The following NMD3 variants were observed in gnomAD, a reference collection of about 807,000 sequenced individuals.
NMD3 encodes 60S ribosomal export protein NMD3.
In NMD3, 47 loss-of-function variants were observed where a neutral mutation model predicts 73.1. That is an observed-to-expected ratio of 0.64 (90% confidence interval 0.51 to 0.82). The LOEUF (loss-of-function observed/expected upper bound fraction) is 0.82. Among genes scored for constraint, NMD3 ranks in the 40% least tolerant of loss-of-function variants. The pLI, the probability that NMD3 is intolerant of heterozygous loss-of-function variation, is 0.00. For missense variants in NMD3, 554 were observed against 612.5 expected (o/e 0.90, Z 1.01); for synonymous variants, 210 against 194.5 (o/e 1.08, Z -0.66).
Position 161,234,945 on chromosome 3 carries a change from T to A in NMD3, c.486+90T>A, listed in dbSNP as rs890354056. On this transcript the variant is annotated intron_variant, in intron 6 of 15. Transcript: ENST00000351193. ...TCCTTCTTTCTAAATCCAGGGATAG[T>A]CTGGGTCCCTGAAGCATTCACCTTT... 3 of 1,329,966 alleles carry A rather than the reference T, an allele frequency of 2.3e-6. No homozygotes were observed. The African/African-American group carries it at 4.4e-5, about 19-fold the overall frequency. The allele number at this position is 1,329,966 out of a possible 1,614,324, so 82.4% of individuals were successfully genotyped here.
At chr3:161,226,850 C>CT (rs925474366) in intron 3 of NMD3, among the ~76,000 whole-genome samples, 9 of 151,910 alleles carry the variant, frequency 5.9e-5, no homozygotes, top group Non-Finnish European at 7.4e-5. Context: ...ACTAATGTAC[C>CT]TTTTTTTTGT....
At chr3:161,235,813 A>G (rs1736733740) in intron 7 of NMD3, among the ~76,000 whole-genome samples, 1 of 152,092 alleles carries the variant, frequency 6.6e-6, no homozygotes. Flanking sequence ...TTCTTGGTAT[A>G]AAATTGAACA....
In NMD3 at chr3:161,247,315, T is replaced by C. The variant is rs1737255599; in HGVS notation, c.1188T>C (p.Asp396=). 3.7e-6 allele frequency: 6 copies of C among 1,606,624 alleles called. No homozygotes were observed. Among genetic ancestry groups the C allele is most frequent in the Middle Eastern group, 1.7e-4 (1 of 6,028 alleles). The change falls in exon 13 of 16, where the codon GAT becomes GAC. Residue 396 remains aspartate, a synonymous_variant. Transcript: ENST00000351193. ...AGCATGTCAACAAAATGAACTCAGA[T>C]AGAGTTCCAGATGTGGTAAGGCTTT... The part of the protein sequence containing the change: ...NDEHVNKMNS[D]RVPDVVLIKK...
chr3:161,250,433 G>T, intron 15 of NMD3, 107 bp downstream of exon 15: 1 of 675,520 alleles, frequency 1.5e-6, no homozygotes, highest in Non-Finnish European at 2.5e-6. Context: ...GTCTTTAATT[G>T]TTTTTTCAAC....
At chr3:161,248,642 C>T (rs531543969) in intron 13 of NMD3, among the ~76,000 whole-genome samples, 7 of 152,104 alleles carry the variant, frequency 4.6e-5, no homozygotes, top group East Asian at 3.9e-4. Flanking sequence ...ATAAAATATC[C>T]GTGAAAAATA....
intron 4 of NMD3, among the ~76,000 whole-genome samples, chr3:161,232,522 A>G (rs1428207579): frequency 6.6e-6 from 1 of 152,092 alleles, no homozygotes; most frequent in Non-Finnish European, 1.5e-5. Context: ...TTCTCATTAT[A>G]TCCATTGTTT....
intron 13 of NMD3, among the ~76,000 whole-genome samples, chr3:161,248,416 G>C (rs933697755): frequency 1.3e-5 from 2 of 152,040 alleles, no homozygotes; most frequent in African/African-American, 4.8e-5. Flanking sequence ...CTTGAACCTG[G>C]GAAGTGGAGG....
intron 13 of NMD3, 144 bp downstream of exon 13, chr3:161,247,474 ATT>A (rs372150378): frequency 0.022 from 7,574 of 343,980 alleles, no homozygotes; most frequent in South Asian, 0.043. Flanking sequence ...TAATAGCAAA[ATT>A]TTTTTTTTTT....
rs1047442672 is a variant in NMD3 at position 161,252,245 on chromosome 3, C to T, written c.*1335C>T. 2.6e-5 allele frequency: 4 copies of T among 152,022 alleles called. No homozygotes were observed. Among genetic ancestry groups the T allele is most frequent in the Admixed American group, 2.6e-4 (4 of 15,264 alleles). The allele number at this position is 152,022 out of a possible 1,614,324, so 9.4% of individuals were successfully genotyped here. A position where few individuals can be genotyped will look rare whatever the true frequency, so the allele number is the denominator to read the frequency against. On this transcript the variant is annotated 3_prime_UTR_variant, in exon 16 of 16. Coordinates refer to ENST00000351193, the MANE Select transcript of NMD3 (RefSeq NM_015938.5). ...ATTGGTGGTCTGTGTTTACATCTTC[C>T]GTGTCAAGATATTTTAAAGCATGAA...
chr3:161,224,299 G>GT (rs1420269455), intron 2 of NMD3, among the ~76,000 whole-genome samples: 2 of 152,136 alleles, frequency 1.3e-5, no homozygotes, highest in Non-Finnish European at 2.9e-5. Flanking sequence ...TGGCTACCTT[G>GT]TTGTACAGAC....
chr3:161,241,179 G>A lies in NMD3; in HGVS notation c.871+16G>A. 1 of 1,431,608 alleles carries A rather than the reference G, an allele frequency of 7.0e-7. No individual in the cohort carries two copies. The highest frequency in any genetic ancestry group is 9.8e-7 in the Non-Finnish European group (1 of 1,019,260). 88.7% of individuals were successfully genotyped at this position (1,431,608 alleles called of 1,614,324 possible). A position where few individuals can be genotyped will look rare whatever the true frequency, so the allele number is the denominator to read the frequency against. On this transcript the variant is annotated intron_variant, in intron 10 of 15. Coordinates refer to ENST00000351193, the MANE Select transcript of NMD3 (RefSeq NM_015938.5). ...ACCCTACAAGGTAAATTCTGGAAAT[G>A]ATTTGCCTTGACAATTTTGTTTTGT... is the stretch of plus-strand genomic sequence containing the variant.
intron 11 of NMD3, among the ~76,000 whole-genome samples, chr3:161,243,287 A>G (rs1737064215): frequency 6.6e-6 from 1 of 152,202 alleles, no homozygotes; most frequent in Non-Finnish European, 1.5e-5. Context: ...ATAATAATAT[A>G]CTGTAATAAA....
intron 7 of NMD3, among the ~76,000 whole-genome samples, chr3:161,236,453 C>T (rs1483305765): frequency 6.6e-6 from 1 of 152,080 alleles, no homozygotes; most frequent in Non-Finnish European, 1.5e-5. Context: ...TGAGCATATT[C>T]TGGATACAAG....
intron 4 of NMD3, among the ~76,000 whole-genome samples, chr3:161,230,719 G>A (rs1384752356): frequency 6.6e-6 from 1 of 152,160 alleles, no homozygotes; most frequent in African/African-American, 2.4e-5. Context: ...TCTCTAGAGG[G>A]GCATTCTGGA....
Position 161,249,463 on chromosome 3 carries a change from A to T in NMD3, c.1213A>T (p.Lys405Ter), listed in dbSNP as rs1576861409. ...SDRVPDVVLI[K>*]KSYDRTKRQR... is the part of the protein sequence containing the mutation. Reference sequence around the variant, plus strand: ...AATATTTATCTTGCAGGTATTAATCAAGAAGAGCTATGACCGGACCAAACG... The same window carrying T: ...AATATTTATCTTGCAGGTATTAATCTAGAAGAGCTATGACCGGACCAAACG... The change falls in exon 14 of 16, where the codon AAG becomes TAG. Residue 405 changes from lysine (K) to a stop codon, truncating the protein, a stop_gained. Transcript: ENST00000351193. LOFTEE classifies it high-confidence loss of function. 6.3e-7 allele frequency: 1 copy of T among 1,598,806 alleles called. No individual in the cohort carries two copies.
At chr3:161,246,553 C>G in intron 12 of NMD3, 105 bp downstream of exon 12, 3 of 469,766 alleles carry the variant, frequency 6.4e-6, no homozygotes, top group Non-Finnish European at 1.2e-5. Context: ...CTAAAAAGAT[C>G]GAAGGGTTCT....
At chr3:161,221,176 C>G (rs554549753), upstream of NMD3, 2 of 152,368 alleles carry the variant, frequency 1.3e-5, no homozygotes, top group African/African-American at 4.8e-5. Flanking sequence ...CTTCTCTCCG[C>G]GAGCTTTCCC....
At chr3:161,244,661 G>C (rs1263534976) in intron 11 of NMD3, among the ~76,000 whole-genome samples, 3 of 130,272 alleles carry the variant, frequency 2.3e-5, no homozygotes, top group Non-Finnish European at 3.2e-5. Flanking sequence ...TTTTTTTAAA[G>C]AGACAAGGTC....
In NMD3 at chr3:161,238,154, A is replaced by C. The variant is rs1482582898; in HGVS notation, c.619A>C (p.Lys207Gln). 3 of 1,608,470 alleles carry C rather than the reference A, an allele frequency of 1.9e-6. No individual in the cohort carries two copies. The Admixed American group carries it at 5.1e-5, about 27-fold the overall frequency. Reference protein sequence around the residue: ...FYYSSKQHAQKMVEFLQCTVP... With the variant: ...FYYSSKQHAQQMVEFLQCTVP... ...TTATTCCTCAAAACAACATGCTCAGAAGATGGTCGAATTTCTTCAGTGTAC... is the reference window on the plus strand; with the variant it reads ...TTATTCCTCAAAACAACATGCTCAGCAGATGGTCGAATTTCTTCAGTGTAC... The change falls in exon 8 of 16, where the codon AAG becomes CAG. Residue 207 changes from lysine to glutamine, a missense_variant. Coordinates refer to ENST00000351193, the MANE Select transcript of NMD3 (RefSeq NM_015938.5).
Sources: gnomAD v4.1 joint callset for allele counts (sites outside exome capture counted in the v4.1 genomes callset) on GRCh38, gnomAD v4.1.1 for gene constraint, MANE v1.5 for transcripts, NCBI Gene and HGNC (gene_info 2026-07-23, HGNC 2026-07-21) for gene names.